STAM2: variants seen among roughly 807,000 people sequenced by gnomAD.
STAM2 encodes signal transducing adapter molecule 2.
Under a neutral mutation model 65.6 loss-of-function variants are expected in STAM2, and 51 were observed. The observed-to-expected ratio is 0.78, with a 90% CI of 0.62 to 0.98. The LOEUF is 0.98. Among genes scored for constraint, STAM2 ranks in the 50% least tolerant of loss-of-function variants. The pLI is 0.00. For missense variants in STAM2, 584 were observed against 617.8 expected (o/e 0.95, Z 0.58); for synonymous variants, 198 against 208.4 (o/e 0.95, Z 0.43).
At chr2:152,134,713 A>G (rs1360830346) in intron 8 of STAM2, among the ~76,000 whole-genome samples, 1 of 152,182 alleles carries the variant, frequency 6.6e-6, no homozygotes, top group East Asian at 1.9e-4. Context: ...CAGGGCAACA[A>G]AAGTAGCTAT....
Position 152,175,625 on chromosome 2 carries a change from G to A in STAM2, c.18C>T (p.Ala6=). 1 of 1,613,892 alleles carries A rather than the reference G, an allele frequency of 6.2e-7. No homozygotes were observed. The highest frequency in any genetic ancestry group is 1.6e-4 in the Middle Eastern group (1 of 6,062). ...CACCCACGTCTTGCTCGAAGGGGTT[G>A]GCGGTGAACAAAGGCATCTCGCCGG... The part of the protein sequence containing the change: MPLFT[A]NPFEQDVEKA... The change falls in exon 1 of 14, where the codon GCC becomes GCT. Residue 6 remains alanine, a synonymous_variant. Coordinates refer to ENST00000263904, the MANE Select transcript of STAM2 (RefSeq NM_005843.6).
chr2:152,125,099 C>T (rs527667445), intron 12 of STAM2, among the ~76,000 whole-genome samples: 1 of 152,296 alleles, frequency 6.6e-6, no homozygotes, highest in African/African-American at 2.4e-5. Flanking sequence ...TAACCCTTTA[C>T]AGACACACAA....
intron 13 of STAM2, among the ~76,000 whole-genome samples, chr2:152,123,160 A>G (rs1279613524): frequency 6.6e-6 from 1 of 152,064 alleles, no homozygotes; most frequent in Non-Finnish European, 1.5e-5. Context: ...TCACGAGGTC[A>G]GGAGTTCGAG....
intron 1 of STAM2, among the ~76,000 whole-genome samples, chr2:152,160,619 C>G (rs945369921): frequency 6.6e-6 from 1 of 150,906 alleles, no homozygotes; most frequent in African/African-American, 2.4e-5. Flanking sequence ...GTCAGCCCCA[C>G]CCAGGCCAGC....
At chr2:152,174,606 G>A (rs1334822609) in intron 1 of STAM2, among the ~76,000 whole-genome samples, 1 of 152,180 alleles carries the variant, frequency 6.6e-6, no homozygotes, top group South Asian at 2.1e-4. Context: ...AATTACTGCT[G>A]AGATGTGCAG....
chr2:152,175,699 C>A lies in STAM2; in HGVS notation c.-57G>T. On this transcript the variant is annotated 5_prime_UTR_variant, in exon 1 of 14. Transcript: ENST00000263904. ...TCTAGCTGACACTCAGCAACTGCTA[C>A]CCGCCGGGTGACCCGCGGCCGCGGC... 6.4e-7 allele frequency: 1 copy of A among 1,571,090 alleles called. No individual in the cohort carries two copies. Among genetic ancestry groups the A allele is most frequent in the Non-Finnish European group, 8.6e-7 (1 of 1,158,000 alleles).
intron 6 of STAM2, among the ~76,000 whole-genome samples, chr2:152,144,307 A>G (rs530645837): frequency 1.3e-5 from 2 of 152,260 alleles, no homozygotes; most frequent in East Asian, 3.9e-4. Context: ...AGCCATGAAC[A>G]TATTTCTCTG....
intron 1 of STAM2, among the ~76,000 whole-genome samples, chr2:152,172,538 AG>A (rs1161279342): frequency 6.6e-6 from 1 of 152,072 alleles, no homozygotes; most frequent in Admixed American, 6.6e-5. Context: ...CATTAGCAAA[AG>A]GTGGTTACTT....
intron 1 of STAM2, among the ~76,000 whole-genome samples, chr2:152,152,223 G>A (rs554457356): frequency 6.6e-6 from 1 of 151,742 alleles, no homozygotes; most frequent in South Asian, 2.1e-4. Flanking sequence ...TTACTAGTTT[G>A]AGCCATCATG....
rs1370702379 is a variant in STAM2 at position 152,119,164 on chromosome 2, T to C, written c.*1410A>G. On this transcript the variant is annotated 3_prime_UTR_variant, in exon 14 of 14. Transcript: ENST00000263904. The stretch of plus-strand genomic sequence containing the variant: ...CATTGTTTTTCCCAATCTGAATATG[T>C]TTCCATACATGTATGTATTTGCAAT... 1 of 152,208 alleles carries C rather than the reference T, an allele frequency of 6.6e-6. No individual in the cohort carries two copies. The highest frequency in any genetic ancestry group is 6.5e-5 in the Admixed American group (1 of 15,272). The allele number at this position is 152,208 out of a possible 1,614,324, so 9.4% of individuals were successfully genotyped here. A position where few individuals can be genotyped will look rare whatever the true frequency, so the allele number is the denominator to read the frequency against.
chr2:152,154,716 C>A (rs1018074821), intron 1 of STAM2, among the ~76,000 whole-genome samples: 7 of 152,176 alleles, frequency 4.6e-5, no homozygotes, highest in Admixed American at 1.3e-4. Flanking sequence ...ATATTCCCCA[C>A]TAACATTGTG....
At chr2:152,174,689 T>G (rs947096929) in intron 1 of STAM2, among the ~76,000 whole-genome samples, 1 of 152,080 alleles carries the variant, frequency 6.6e-6, no homozygotes, top group Admixed American at 6.6e-5. Context: ...TGTTAACTAC[T>G]GCTACAAAAA....
At chr2:152,129,219 C>T (rs1689015838) in intron 11 of STAM2, among the ~76,000 whole-genome samples, 1 of 152,190 alleles carries the variant, frequency 6.6e-6, no homozygotes, top group Non-Finnish European at 1.5e-5. Flanking sequence ...CCGTGGCTCA[C>T]TGCAGCCTCC....
At chr2:152,143,719 A>G (rs1436672259) in intron 7 of STAM2, 108 bp downstream of exon 7, 1 of 787,812 alleles carries the variant, frequency 1.3e-6, no homozygotes, top group Non-Finnish European at 1.9e-6. Flanking sequence ...AAGGTATGAA[A>G]TGGTTCTATT....
At chr2:152,158,386 G>A (rs1327352776) in intron 1 of STAM2, among the ~76,000 whole-genome samples, 1 of 152,158 alleles carries the variant, frequency 6.6e-6, no homozygotes, top group South Asian at 2.1e-4. Context: ...TGAGGCAGGA[G>A]AATCACTTGA....
intron 5 of STAM2, among the ~76,000 whole-genome samples, chr2:152,146,314 A>T: frequency 6.6e-6 from 1 of 151,168 alleles, no homozygotes. Context: ...TTAATCTATG[A>T]TTTAAAATAA....
At chr2:152,136,347 G>A (rs1037483880) in intron 7 of STAM2, among the ~76,000 whole-genome samples, 4 of 152,014 alleles carry the variant, frequency 2.6e-5, no homozygotes, top group Admixed American at 6.6e-5. Context: ...GGAGGCTGAC[G>A]CAGGAGAATC....
intron 12 of STAM2, 115 bp from the exon 13 acceptor site, chr2:152,124,050 C>G (rs1361176213): frequency 1.2e-6 from 1 of 829,102 alleles, no homozygotes; most frequent in African/African-American, 1.7e-5. Flanking sequence ...GGGAAGCAAT[C>G]TGATTCTACC....
At chr2:152,144,134 C>A in intron 6 of STAM2, 121 bp from the exon 7 acceptor site, 13 of 747,414 alleles carry the variant, frequency 1.7e-5, no homozygotes, top group Middle Eastern at 4.5e-4. Context: ...TTACATGCTA[C>A]AGTTAACTTT....
Sources: gnomAD v4.1 joint callset for allele counts (sites outside exome capture counted in the v4.1 genomes callset) on GRCh38, gnomAD v4.1.1 for gene constraint, MANE v1.5 for transcripts, NCBI Gene and HGNC (gene_info 2026-07-23, HGNC 2026-07-21) for gene names.